MGA: variants seen among roughly 807,000 people sequenced by gnomAD.
MGA encodes the protein MAX dimerization protein MGA.
In MGA, 40 loss-of-function variants were observed where a neutral mutation model predicts 261.1. The observed-to-expected ratio is 0.15, with a 90% confidence interval of 0.12 to 0.20. MGA has a LOEUF of 0.20. MGA is among the 10% of genes least tolerant of loss of function. The pLI is 1.00. For synonymous variants in MGA, 1,302 were observed against 1,290.6 expected (o/e 1.01, Z -0.19); for missense variants, 3,397 against 3,630.5 (o/e 0.94, Z 1.65).
upstream of MGA, among the ~76,000 whole-genome samples, chr15:41,656,424 C>A (rs1001524352): frequency 2.0e-5 from 3 of 149,038 alleles, no homozygotes; most frequent in Non-Finnish European, 3.0e-5. Flanking sequence ...TCACTGCAAC[C>A]TCTGCCCCCT....
chr15:41,656,876 A>G (rs1304620187), upstream of MGA, among the ~76,000 whole-genome samples: 1 of 152,146 alleles, frequency 6.6e-6, no homozygotes, highest in Non-Finnish European at 1.5e-5. Flanking sequence ...TCCTGTGGTC[A>G]AGCATTTCTC....
upstream of MGA, among the ~76,000 whole-genome samples, chr15:41,659,418 C>T (rs916501157): frequency 6.6e-6 from 1 of 152,204 alleles, no homozygotes; most frequent in African/African-American, 2.4e-5. Context: ...TAATTCTTAT[C>T]AAAGAAGGCA....
At chr15:41,751,338 A>G (rs1376627450) in intron 17 of MGA, 1 of 152,136 alleles carries the variant, frequency 6.6e-6, no homozygotes, top group Non-Finnish European at 1.5e-5. Context: ...CAGATAGTAA[A>G]TAGTTTTAGA....
At chr15:41,648,132 G>A (rs1270077956) in intron 1 of MGA, among the ~76,000 whole-genome samples, 7 of 152,268 alleles carry the variant, frequency 4.6e-5, no homozygotes, top group Admixed American at 3.3e-4. Flanking sequence ...ATATGTGAAT[G>A]CTTACTTCGT....
chr15:41,769,609 C>G lies in MGA; in HGVS notation c.*2329C>G, dbSNP rs2063953770. On this transcript the variant is annotated 3_prime_UTR_variant, in exon 24 of 24. Transcript: ENST00000219905. The stretch of plus-strand genomic sequence containing the variant: ...TAACCTTACCCTAGGGGGAACTGAT[C>G]TATGAATATTACATGTGTGATTATG... 6.6e-6 allele frequency: 1 copy of G among 152,480 alleles called. No individual in the cohort carries two copies. Among genetic ancestry groups the G allele is most frequent in the South Asian group, 2.1e-4 (1 of 4,826 alleles). 9.4% of individuals were successfully genotyped at this position (152,480 alleles called of 1,614,324 possible). A position where few individuals can be genotyped will look rare whatever the true frequency, so the allele number is the denominator to read the frequency against.
At chr15:41,746,005 A>G (rs1378293473) in intron 15 of MGA, among the ~76,000 whole-genome samples, 1 of 152,096 alleles carries the variant, frequency 6.6e-6, no homozygotes, top group Non-Finnish European at 1.5e-5. Context: ...TTTTTTCTCT[A>G]TTTATAAAGA....
At position 41,749,954 on chromosome 15, in the gene MGA, A is replaced by T; in HGVS notation, c.6347A>T (p.Gln2116Leu). The change falls in exon 17 of 24, where the codon CAG becomes CTG. Residue 2116 changes from glutamine (Q) to leucine (L), a missense_variant. Gln to Leu is a moderately radical substitution (Grantham distance 113, BLOSUM62 -2). Transcript: ENST00000219905. The stretch of plus-strand genomic sequence containing the variant: ...AAACTTGGTGATGTGAAGGTGGAAC[A>T]GCAGAAAGGATTTGACAATCCAGAA... The T allele has an allele frequency of 6.2e-7, 1 of 1,613,464 alleles. No homozygotes were observed. Among genetic ancestry groups the T allele is most frequent in the Non-Finnish European group, 8.5e-7 (1 of 1,179,758 alleles).
At chr15:41,630,078 G>A (rs1489618699) in intron 1 of MGA, among the ~76,000 whole-genome samples, 1 of 152,080 alleles carries the variant, frequency 6.6e-6, no homozygotes, top group Non-Finnish European at 1.5e-5. Context: ...AGCCTTCATT[G>A]TCTGAGTACT....
chr15:41,686,173 C>G (rs776311465), intron 2 of MGA, among the ~76,000 whole-genome samples: 2 of 152,064 alleles, frequency 1.3e-5, no homozygotes, highest in African/African-American at 4.8e-5. Flanking sequence ...TGCCTGTTCT[C>G]TCTCTTGCTT....
chr15:41,671,675 A>G (rs1451708447), intron 2 of MGA, among the ~76,000 whole-genome samples: 2 of 152,144 alleles, frequency 1.3e-5, no homozygotes, highest in Non-Finnish European at 2.9e-5. Flanking sequence ...AGCAAAAGTA[A>G]AGAAATCCCT....
At position 41,753,425 on chromosome 15, in the gene MGA, A is replaced by G. The variant is rs77981389; in HGVS notation, c.7009-1012A>G. ...CACAGAAATGTTGCAAGCAAATACTATTTGTAAAGGTGGACTTAAAAAGAT... is the reference window on the plus strand; with the variant it reads ...CACAGAAATGTTGCAAGCAAATACTGTTTGTAAAGGTGGACTTAAAAAGAT... On this transcript the variant is annotated intron_variant, in intron 17 of 23. Transcript: ENST00000219905. 2.7e-3 allele frequency among the ~76,000 whole-genome samples: 401 copies of G among 151,198 alleles called. 1 individual carries two copies. Among genetic ancestry groups the G allele is most frequent in the Non-Finnish European group, 4.0e-3 (272 of 67,846 alleles).
In MGA at chr15:41,736,253, G is replaced by T. The variant is rs2061771259; in HGVS notation, c.3989G>T (p.Gly1330Val). The change falls in exon 13 of 24, where the codon GGT becomes GTT. Residue 1330 changes from glycine (G) to valine (V), a missense_variant. By Grantham distance (109) the Gly-to-Val change is moderately radical. This residue lies in a region of MGA where 1,410 missense variants were observed against 1,386.4 expected (regional missense o/e 1.02). Coordinates refer to ENST00000219905, the MANE Select transcript of MGA (RefSeq NM_001164273.2). Reference sequence around the variant, plus strand: ...TCTTATATGCATCAGAGGTCACCTGGTGGTCCCACCAAACTGATTGAGATC... The same window carrying T: ...TCTTATATGCATCAGAGGTCACCTGTTGGTCCCACCAAACTGATTGAGATC... The T allele has an allele frequency of 1.2e-6, 2 of 1,613,946 alleles. No homozygotes were observed. Among genetic ancestry groups the T allele is most frequent in the Non-Finnish European group, 1.7e-6 (2 of 1,179,882 alleles).
At position 41,765,951 on chromosome 15, in the gene MGA, G is replaced by T. The variant is rs2063776252; in HGVS notation, c.7922-53G>T. The T allele has an allele frequency of 2.8e-6, 4 of 1,407,538 alleles. No homozygotes were observed. In the South Asian group the frequency reaches 5.2e-5, roughly 18 times the overall value. The allele number at this position is 1,407,538 out of a possible 1,614,324, so 87.2% of individuals were successfully genotyped here. A position where few individuals can be genotyped will look rare whatever the true frequency, so the allele number is the denominator to read the frequency against. On this transcript the variant is annotated intron_variant, in intron 23 of 23. Coordinates refer to ENST00000219905, the MANE Select transcript of MGA (RefSeq NM_001164273.2). Reference sequence around the variant, plus strand: ...TATGATATGACAGAGAGAAAGAGAGGTGTTAACACTAGATCTAAATGAATT... The same window carrying T: ...TATGATATGACAGAGAGAAAGAGAGTTGTTAACACTAGATCTAAATGAATT...
At chr15:41,633,342 C>A (rs529376817) in intron 1 of MGA, among the ~76,000 whole-genome samples, 2 of 135,992 alleles carry the variant, frequency 1.5e-5, no homozygotes, top group South Asian at 4.9e-4. Context: ...CCTGACATTG[C>A]CCTCCTATGG....
At chr15:41,753,762 AT>A (rs1216753769) in intron 17 of MGA, among the ~76,000 whole-genome samples, 1 of 151,952 alleles carries the variant, frequency 6.6e-6, no homozygotes, top group Non-Finnish European at 1.5e-5. Context: ...TCCTTTCTAT[AT>A]TTCTTTCACC....
At chr15:41,683,422 A>G (rs1351940292) in intron 2 of MGA, among the ~76,000 whole-genome samples, 1 of 151,890 alleles carries the variant, frequency 6.6e-6, no homozygotes, top group Non-Finnish European at 1.5e-5. Context: ...TGTAGATACA[A>G]GGTCTCACTG....
chr15:41,703,993 T>G (rs1349608211), intron 5 of MGA, among the ~76,000 whole-genome samples: 1 of 151,936 alleles, frequency 6.6e-6, no homozygotes, highest in East Asian at 1.9e-4. Flanking sequence ...GGTATTTTTT[T>G]GTAGAGATGG....
chr15:41,686,377 A>G (rs2058969655), intron 2 of MGA, among the ~76,000 whole-genome samples: 2 of 152,144 alleles, frequency 1.3e-5, no homozygotes, highest in South Asian at 2.1e-4. Flanking sequence ...AACTTAAAAA[A>G]ATAATTAGCT....
chr15:41,656,382 C>CTCCTCTCTCT (rs2057194512), upstream of MGA, among the ~76,000 whole-genome samples: 1 of 90,402 alleles, frequency 1.1e-5, no homozygotes, highest in African/African-American at 3.3e-5. Context: ...CTCTCTCACA[C>CTCCTCTCTCT]CCAGGCTGGA....
Sources: allele counts gnomAD v4.1 joint callset (sites outside exome capture counted in the v4.1 genomes callset), GRCh38; gene constraint gnomAD v4.1.1; regional missense constraint gnomAD v4.1.1; transcripts MANE v1.5; gene names NCBI Gene and HGNC (gene_info 2026-07-23, HGNC 2026-07-21).